The following SREK1 variants were observed in gnomAD, a reference collection of about 807,000 sequenced individuals.
SREK1 encodes splicing regulatory glutamine/lysine-rich protein 1.
A neutral mutation model predicts 66.5 loss-of-function variants in SREK1; 13 were observed. That is an observed-to-expected ratio of 0.20 (90% CI 0.13 to 0.31). The LOEUF is 0.31. Among genes scored for constraint, SREK1 ranks in the 10% least tolerant of loss-of-function variants. SREK1 has a pLI of 1.00. For synonymous variants in SREK1, 265 were observed against 263.5 expected, an observed-to-expected ratio of 1.01 and a Z score of -0.05; for missense variants, 607 against 769.6, an observed-to-expected ratio of 0.79 and a Z score of 2.50.
chr5:66,151,455 A>G (rs555551218), intron 1 of SREK1, among the ~76,000 whole-genome samples: 11 of 152,302 alleles, frequency 7.2e-5, no homozygotes, highest in Admixed American at 1.3e-4. Context: ...TGGTCACACT[A>G]GTGACTCCTA....
At chr5:66,144,599 G>C in intron 1 of SREK1, 62 bp downstream of exon 1, 1 of 1,493,366 alleles carries the variant, frequency 6.7e-7, no homozygotes, top group Non-Finnish European at 8.9e-7. Context: ...GGGAGCCGAG[G>C]CGTGGAGGAG....
At chr5:66,144,693 C>T (rs544217221) in intron 1 of SREK1, 156 bp downstream of exon 1, 11 of 1,343,654 alleles carry the variant, frequency 8.2e-6, no homozygotes, top group African/African-American at 1.5e-5. Flanking sequence ...CACCCGGGTT[C>T]CGCCGTCCTG....
intron 1 of SREK1, among the ~76,000 whole-genome samples, chr5:66,151,511 T>C (rs1457828469): frequency 6.6e-6 from 1 of 152,154 alleles, no homozygotes; most frequent in African/African-American, 2.4e-5. Context: ...AAATATGGAA[T>C]GCAGGGGACA....
chr5:66,178,850 C>G lies in SREK1; in HGVS notation c.1857C>G (p.Thr619=). The G allele has an allele frequency of 6.2e-7, 1 of 1,611,994 alleles. No homozygotes were observed. Among genetic ancestry groups the G allele is most frequent in the Non-Finnish European group, 8.5e-7 (1 of 1,178,612 alleles). The change falls in exon 12 of 12, where the codon ACC becomes ACG. Residue 619 remains threonine, a synonymous_variant. Coordinates refer to ENST00000334121, the MANE Select transcript of SREK1 (RefSeq NM_001077199.3). Reference sequence around the variant, plus strand: ...AGCTGAATGAAGAAAACCTCTCTACCAAAACAGAAGCAGTATAGGACCGAC... The same window carrying G: ...AGCTGAATGAAGAAAACCTCTCTACGAAAACAGAAGCAGTATAGGACCGAC... ...NCQLNEENLS[T]KTEAV is the part of the protein sequence containing the mutation.
At chr5:66,146,185 T>C (rs1743177457) in intron 1 of SREK1, among the ~76,000 whole-genome samples, 1 of 152,162 alleles carries the variant, frequency 6.6e-6, no homozygotes, top group Non-Finnish European at 1.5e-5. Context: ...TTGAGAATAA[T>C]TGAGAATTGT....
rs1484330464 is a variant in SREK1, at chr5:66,180,094, A to C, written c.*1226A>C. Reference sequence around the variant, plus strand: ...AATCATCTTTTCATAAATGATGTGCAGAAATTGTACTTAAGGACTTAGGAG... The same window carrying C: ...AATCATCTTTTCATAAATGATGTGCCGAAATTGTACTTAAGGACTTAGGAG... On this transcript the variant is annotated 3_prime_UTR_variant, in exon 12 of 12. Coordinates refer to ENST00000334121, the MANE Select transcript of SREK1 (RefSeq NM_001077199.3). The C allele has an allele frequency of 1.3e-5, 2 of 152,538 alleles. No individual in the cohort carries two copies. The allele number at this position is 152,538 out of a possible 1,614,324, so 9.4% of individuals were successfully genotyped here. A position where few individuals can be genotyped will look rare whatever the true frequency, so the allele number is the denominator to read the frequency against.
intron 10 of SREK1, among the ~76,000 whole-genome samples, chr5:66,175,426 CAATTCCTTTTTAT>C (rs1331735397): frequency 6.6e-6 from 1 of 152,138 alleles, no homozygotes. Flanking sequence ...AGAGCTTCTT[CAATTCCTTTTTAT>C]AATTGCGTAG....
chr5:66,148,773 A>G (rs560839067), intron 1 of SREK1, among the ~76,000 whole-genome samples: 8 of 152,204 alleles, frequency 5.3e-5, no homozygotes, highest in Admixed American at 3.9e-4. Context: ...GCTAGTTTCT[A>G]TAGATGCATA....
Position 66,183,197 on chromosome 5 carries a change from G to T in SREK1, c.*4329G>T, listed in dbSNP as rs1185660158. On this transcript the variant is annotated 3_prime_UTR_variant, in exon 12 of 12. Transcript: ENST00000334121. ...GGAGGAGTAGTACCTTCTATTCTTGGTTTATTTTTATTTGCTAGACATAAT... is the reference window on the plus strand; with the variant it reads ...GGAGGAGTAGTACCTTCTATTCTTGTTTTATTTTTATTTGCTAGACATAAT... 6.6e-6 allele frequency: 1 copy of T among 151,692 alleles called. No homozygotes were observed. Among genetic ancestry groups the T allele is most frequent in the Non-Finnish European group, 1.5e-5 (1 of 67,904 alleles). 9.4% of individuals were successfully genotyped at this position (151,692 alleles called of 1,614,324 possible).
rs1743596759 is a variant in SREK1, at chr5:66,149,706, T to C, written c.162-3757T>C. On this transcript the variant is annotated intron_variant, in intron 1 of 11. Transcript: ENST00000334121. ...GAGATGACTGTCAGGCTCTTGAAGATTTCAGAGGCAAAAGAGTTATTCCTG... is the reference window on the plus strand; with the variant it reads ...GAGATGACTGTCAGGCTCTTGAAGACTTCAGAGGCAAAAGAGTTATTCCTG... 2.0e-5 allele frequency among the ~76,000 whole-genome samples: 3 copies of C among 152,242 alleles called. No individual in the cohort carries two copies. The South Asian group carries it at 6.2e-4, about 32-fold the overall frequency.
In SREK1 at chr5:66,170,924, G is replaced by A. The variant is rs144628047; in HGVS notation, c.1461G>A (p.Ser487=). The change falls in exon 9 of 12, where the codon TCG becomes TCA. Residue 487 remains serine, a synonymous_variant. Transcript: ENST00000334121. The part of the protein sequence containing the change: ...SRTPPRSYNA[S]RRSRSSSRER... ...CACCACCCAGGAGTTACAATGCATCGCGAAGATCTCGTAGTTCCAGCAGGT... is the reference window on the plus strand; with the variant it reads ...CACCACCCAGGAGTTACAATGCATCACGAAGATCTCGTAGTTCCAGCAGGT... 3.1e-5 allele frequency: 50 copies of A among 1,607,112 alleles called. No individual in the cohort carries two copies. Among genetic ancestry groups the A allele is most frequent in the Non-Finnish European group, 4.2e-5 (49 of 1,177,948 alleles).
chr5:66,158,101 C>T (rs894492024), intron 2 of SREK1: 3 of 147,440 alleles, frequency 2.0e-5, no homozygotes, highest in Non-Finnish European at 4.5e-5. Flanking sequence ...ATGTAGTCAA[C>T]TATTTAAGAA....
At chr5:66,149,788 A>G (rs1389735758) in intron 1 of SREK1, among the ~76,000 whole-genome samples, 2 of 152,234 alleles carry the variant, frequency 1.3e-5, no homozygotes, top group Non-Finnish European at 2.9e-5. Context: ...TTTGGTTAAA[A>G]AGGACAGAAA....
intron 3 of SREK1, among the ~76,000 whole-genome samples, chr5:66,160,842 A>G (rs1401675012): frequency 6.6e-6 from 1 of 152,226 alleles, no homozygotes; most frequent in Non-Finnish European, 1.5e-5. Context: ...AGTGGAAATG[A>G]AAAGAGTTGT....
chr5:66,149,107 G>A (rs143908241), intron 1 of SREK1, among the ~76,000 whole-genome samples: 7,263 of 152,222 alleles, frequency 0.048, 241 homozygotes, highest in Non-Finnish European at 0.067. Context: ...TAATCCCAGC[G>A]CTTTGGGAAG....
At position 66,160,125 on chromosome 5, in the gene SREK1, C is replaced by CA. The variant is rs113489115; in HGVS notation, c.411+804dup. On this transcript the variant is annotated intron_variant, in intron 3 of 11. Transcript: ENST00000334121. The stretch of plus-strand genomic sequence containing the variant: ...AGCCTGGGCGACAGAGGGAGAGTCT[C>CA]AAAAAAAAAAAAAGGGTATATTACT... 4.2e-3 allele frequency among the ~76,000 whole-genome samples: 533 copies of CA among 126,620 alleles called. 2 individuals carry two copies. The highest frequency in any genetic ancestry group is 5.1e-3 in the Non-Finnish European group (300 of 58,832). The allele number at this position is 126,620 out of a possible 152,430, so 83.1% of individuals were successfully genotyped here. A position where few individuals can be genotyped will look rare whatever the true frequency, so the allele number is the denominator to read the frequency against.
rs2112142370 is a variant in SREK1 at position 66,183,300 on chromosome 5, A to C, written c.*4432A>C. The C allele has an allele frequency of 6.6e-6, 1 of 152,336 alleles. No individual in the cohort carries two copies. The highest frequency in any genetic ancestry group is 1.5e-5 in the Non-Finnish European group (1 of 68,024). 9.4% of individuals were successfully genotyped at this position (152,336 alleles called of 1,614,324 possible). On this transcript the variant is annotated 3_prime_UTR_variant, in exon 12 of 12. Transcript: ENST00000334121. ...GGTTGATTTCAACCATTTTGAGGGT[A>C]CTGGTAGGTAACACACTGTTGGGGA...
At chr5:66,164,696 A>G (rs778245487) in intron 6 of SREK1, 87 bp from the exon 7 acceptor site, 19 of 1,609,674 alleles carry the variant, frequency 1.2e-5, no homozygotes, top group Admixed American at 3.3e-5. Flanking sequence ...CTTGCACTAT[A>G]TGTGGTACAT....
At chr5:66,168,636 C>G (rs1259735529) in intron 7 of SREK1, 1 of 152,162 alleles carries the variant, frequency 6.6e-6, no homozygotes, top group East Asian at 1.9e-4. Flanking sequence ...CTCGGCCTCC[C>G]AGAGTGCTGG....
Sources: allele counts gnomAD v4.1 joint callset (sites outside exome capture counted in the v4.1 genomes callset), GRCh38; gene constraint gnomAD v4.1.1; transcripts MANE v1.5; gene names NCBI Gene and HGNC (gene_info 2026-07-23, HGNC 2026-07-21).